Variants in FAM219A observed in about 807,000 individuals in gnomAD.
FAM219A encodes family with sequence similarity 219 member A, also known as protein FAM219A.
Under a neutral mutation model 23.4 loss-of-function variants are expected in FAM219A, and 7 were observed. That is an observed-to-expected ratio of 0.30 (90% CI 0.17 to 0.56). The LOEUF (loss-of-function observed/expected upper bound fraction) is 0.56, where lower values mean the gene tolerates loss of function less well. FAM219A is among the 20% of genes least tolerant of loss of function. The pLI, the probability that FAM219A is intolerant of heterozygous loss-of-function variation, is 0.92. For synonymous variants in FAM219A, 93 were observed against 99.0 expected, an observed-to-expected ratio of 0.94 and a Z score of 0.36; for missense variants, 166 against 246.9, an observed-to-expected ratio of 0.67 and a Z score of 2.20.
rs967037497 is a variant in FAM219A at position 34,457,166 on chromosome 9, A to G, written c.60+1038T>C. Among the ~76,000 whole-genome samples, 2 of 152,148 alleles carry G rather than the reference A, an allele frequency of 1.3e-5. No individual in the cohort carries two copies. Among genetic ancestry groups the G allele is most frequent in the Non-Finnish European group, 2.9e-5 (2 of 68,010 alleles). ...GCCCACCTTGCCTCCTTCCAATTCC[A>G]GCTCAGGCTCCAGGGGGATAAAGCG... On this transcript the variant is annotated intron_variant, in intron 1 of 5. Coordinates refer to ENST00000651358, the MANE Select transcript of FAM219A (RefSeq NM_001184940.2). This position sits in a 1 kb window ranked among gnomAD's most constrained non-coding sequence, Gnocchi z 5.1.
At chr9:34,420,702 TG>T (rs1822236691) in intron 1 of FAM219A, among the ~76,000 whole-genome samples, 1 of 151,908 alleles carries the variant, frequency 6.6e-6, no homozygotes, top group Non-Finnish European at 1.5e-5. Context: ...AGACCAGGCG[TG>T]GTGGCTCATG....
Position 34,458,200 on chromosome 9 carries a change from T to C in FAM219A, c.60+4A>G. ...CTTGGCCTGCCCGCCGCCCGCCCCC[T>C]CACCAGCGGCTGCATCTCCGAGTGC... On this transcript the variant is annotated splice_donor_region_variant and intron_variant, in intron 1 of 5. Coordinates refer to ENST00000651358, the MANE Select transcript of FAM219A (RefSeq NM_001184940.2). The surrounding 1 kb of genome is among the most constrained non-coding windows in gnomAD (Gnocchi z 6.6). 1 of 1,582,238 alleles carries C rather than the reference T, an allele frequency of 6.3e-7. No homozygotes were observed. Among genetic ancestry groups the C allele is most frequent in the Non-Finnish European group, 8.6e-7 (1 of 1,169,176 alleles).
intron 1 of FAM219A, among the ~76,000 whole-genome samples, chr9:34,435,756 T>C (rs1379642225): frequency 6.6e-6 from 1 of 152,178 alleles, no homozygotes; most frequent in Non-Finnish European, 1.5e-5. Flanking sequence ...ATGTATGCTA[T>C]GGGATGGAGG....
At chr9:34,430,636 C>CAAA (rs757627612) in intron 1 of FAM219A, among the ~76,000 whole-genome samples, 5,911 of 55,918 alleles carry the variant, frequency 0.11, 383 homozygotes, top group Non-Finnish European at 0.15. Flanking sequence ...GACTCCGTCT[C>CAAA]AAAAAAAAAA....
intron 1 of FAM219A, chr9:34,406,223 G>A: frequency 2.2e-6 from 2 of 912,376 alleles, no homozygotes; most frequent in Non-Finnish European, 2.6e-6. Flanking sequence ...GTGTGGTCCA[G>A]CCTCCTCCAG....
chr9:34,419,589 G>C (rs1030967435), intron 1 of FAM219A, among the ~76,000 whole-genome samples: 2 of 152,146 alleles, frequency 1.3e-5, no homozygotes, highest in African/African-American at 4.8e-5. Flanking sequence ...CTCCTTGAGA[G>C]CCCCACACCT....
At chr9:34,441,547 G>A (rs1032363705) in intron 1 of FAM219A, among the ~76,000 whole-genome samples, 1 of 152,184 alleles carries the variant, frequency 6.6e-6, no homozygotes, top group Admixed American at 6.5e-5. Flanking sequence ...AGCAGTGGTG[G>A]AAGAAGCAGA....
In FAM219A at chr9:34,400,805, A is replaced by C; in HGVS notation, c.*159T>G. 4.3e-6 allele frequency: 3 copies of C among 704,310 alleles called. No homozygotes were observed. The highest frequency in any genetic ancestry group is 1.9e-5 in the African/African-American group (1 of 53,016). The allele number at this position is 704,310 out of a possible 1,614,324, so 43.6% of individuals were successfully genotyped here. A position where few individuals can be genotyped will look rare whatever the true frequency, so the allele number is the denominator to read the frequency against. On this transcript the variant is annotated 3_prime_UTR_variant, in exon 6 of 6. Transcript: ENST00000651358. Reference sequence around the variant, plus strand: ...CAGCTCCATGAACACACAGAGGTACACGTCCTACCATAGGAGGAAGCAATG... The same window carrying C: ...CAGCTCCATGAACACACAGAGGTACCCGTCCTACCATAGGAGGAAGCAATG...
intron 1 of FAM219A, among the ~76,000 whole-genome samples, chr9:34,440,292 G>A (rs1002917329): frequency 1.3e-5 from 2 of 152,202 alleles, no homozygotes; most frequent in Non-Finnish European, 2.9e-5. Context: ...CTGGGTAGTA[G>A]AAGTTGAAGA....
intron 1 of FAM219A, among the ~76,000 whole-genome samples, chr9:34,421,206 G>A (rs1490490357): frequency 6.6e-6 from 1 of 151,562 alleles, no homozygotes; most frequent in Non-Finnish European, 1.5e-5. Flanking sequence ...GGAAGGGGAG[G>A]GTTAACCCTA....
chr9:34,456,036 T>C (rs1186880145), intron 1 of FAM219A, among the ~76,000 whole-genome samples: 1 of 151,966 alleles, frequency 6.6e-6, no homozygotes, highest in Admixed American at 6.5e-5. Flanking sequence ...CTACTAAAAA[T>C]ACAAAAATTA....
chr9:34,430,706 G>A (rs1172603729), intron 1 of FAM219A, among the ~76,000 whole-genome samples: 2 of 151,154 alleles, frequency 1.3e-5, no homozygotes, highest in Non-Finnish European at 2.9e-5. Flanking sequence ...GCTGGGCACG[G>A]TGGTACATGC....
At chr9:34,401,184 C>A (rs1821413025) in intron 5 of FAM219A, 62 bp from the exon 6 acceptor site, 2 of 1,579,004 alleles carry the variant, frequency 1.3e-6, no homozygotes, top group Admixed American at 1.7e-5. Context: ...CACAGCTCTG[C>A]GGCCACTCCA....
At chr9:34,403,813 C>T (rs117232924) in intron 2 of FAM219A, among the ~76,000 whole-genome samples, 1,945 of 152,294 alleles carry the variant, frequency 0.013, 30 homozygotes, top group Middle Eastern at 0.027. Context: ...ATGGGAAGGA[C>T]CTTTACAGCT....
chr9:34,405,190 C>G (rs895608261), intron 2 of FAM219A, among the ~76,000 whole-genome samples: 1 of 152,152 alleles, frequency 6.6e-6, no homozygotes, highest in African/African-American at 2.4e-5. Context: ...AAACTTTGGT[C>G]CCTGAAGGGA....
intron 1 of FAM219A, among the ~76,000 whole-genome samples, chr9:34,414,891 T>C (rs1365987043): frequency 6.6e-6 from 1 of 152,266 alleles, no homozygotes; most frequent in Non-Finnish European, 1.5e-5. Flanking sequence ...GAGCTGGCAG[T>C]AGAATGCAGA....
rs1821393212 is a variant in FAM219A, at chr9:34,400,871, G to A, written c.*93C>T. ...TGGCGGCTGTAGGGGCGCGGGGCCG[G>A]GGGCAGGCAGACGAGCTGGGAAGGG... On this transcript the variant is annotated 3_prime_UTR_variant, in exon 6 of 6. Coordinates refer to ENST00000651358, the MANE Select transcript of FAM219A (RefSeq NM_001184940.2). 2 of 1,340,532 alleles carry A rather than the reference G, an allele frequency of 1.5e-6. No individual in the cohort carries two copies. The highest frequency in any genetic ancestry group is 2.0e-6 in the Non-Finnish European group (2 of 1,019,574). The allele number at this position is 1,340,532 out of a possible 1,614,324, so 83.0% of individuals were successfully genotyped here.
chr9:34,401,556 C>T, intron 5 of FAM219A, 110 bp downstream of exon 5: 1 of 1,290,306 alleles, frequency 7.8e-7, no homozygotes, highest in Admixed American at 2.1e-5. Flanking sequence ...CACCACCCAG[C>T]CTTGCCCAGC....
rs566619921 is a variant in FAM219A, at chr9:34,425,718, C to T, written c.61-19754G>A. ...GAGGTGCAGGAAAGCCAGGCTCACA[C>T]GAGGGCAGAGGACTGGCAGCCTCAA... On this transcript the variant is annotated intron_variant, in intron 1 of 5. Coordinates refer to ENST00000651358, the MANE Select transcript of FAM219A (RefSeq NM_001184940.2). 7.2e-5 allele frequency among the ~76,000 whole-genome samples: 11 copies of T among 152,116 alleles called. No individual in the cohort carries two copies. In the South Asian group the frequency reaches 1.0e-3, roughly 14 times the overall value.
Sources: allele counts gnomAD v4.1 joint callset (sites outside exome capture counted in the v4.1 genomes callset), GRCh38; gene constraint gnomAD v4.1.1; non-coding constraint Gnocchi (gnomAD v3.1); transcripts MANE v1.5; gene names NCBI Gene and HGNC (gene_info 2026-07-23, HGNC 2026-07-21).